Variants in EYA2 observed in about 807,000 individuals in gnomAD.
The protein encoded by EYA2 is protein phosphatase EYA2.
EYA2 carries 31 observed loss-of-function variants against 69.2 expected under a neutral mutation model. The observed-to-expected ratio is 0.45, with a 90% CI of 0.34 to 0.60. The LOEUF is 0.60. EYA2 is among the 20% of genes least tolerant of loss of function. The probability of loss-of-function intolerance (pLI) is 0.02; values close to 1 mark genes in which losing one functional copy is unlikely to be tolerated. For missense variants in EYA2, 622 were observed against 701.2 expected, an observed-to-expected ratio of 0.89 and a Z score of 1.28; for synonymous variants, 257 against 279.4, an observed-to-expected ratio of 0.92 and a Z score of 0.80.
At chr20:47,074,773 G>A (rs954766618) in intron 7 of EYA2, among the ~76,000 whole-genome samples, 8 of 152,082 alleles carry the variant, frequency 5.3e-5, no homozygotes, top group Admixed American at 2.6e-4. Flanking sequence ...GTTCATTACT[G>A]CCTGGCCCAT....
intron 1 of EYA2, among the ~76,000 whole-genome samples, chr20:46,959,684 T>C (rs943095574): frequency 5.3e-5 from 8 of 152,236 alleles, no homozygotes; most frequent in Non-Finnish European, 1.0e-4. Flanking sequence ...TTTCCTTCAA[T>C]TGCTCCCCAT....
At chr20:46,966,050 C>G (rs1022277312) in intron 1 of EYA2, among the ~76,000 whole-genome samples, 1 of 152,234 alleles carries the variant, frequency 6.6e-6, no homozygotes, top group Non-Finnish European at 1.5e-5. Context: ...CCTGGTGATT[C>G]TTTGGAGAAC....
intron 5 of EYA2, among the ~76,000 whole-genome samples, chr20:47,029,334 T>A (rs1314401495): frequency 6.6e-6 from 1 of 152,238 alleles, no homozygotes; most frequent in East Asian, 1.9e-4. Context: ...ATCGAAGACA[T>A]GCTGTGGCAA....
chr20:47,144,890 A>AAACC (rs1172670806), intron 10 of EYA2, among the ~76,000 whole-genome samples: 1 of 152,250 alleles, frequency 6.6e-6, no homozygotes, highest in East Asian at 1.9e-4. Flanking sequence ...ACAAACAAAC[A>AAACC]AAAACTGTGG....
At chr20:47,176,413 C>T (rs2034428352) in intron 12 of EYA2, among the ~76,000 whole-genome samples, 1 of 151,962 alleles carries the variant, frequency 6.6e-6, no homozygotes. Flanking sequence ...CGAGGATGAT[C>T]ACACCTATTG....
chr20:47,123,137 G>A (rs1429734710), intron 9 of EYA2, among the ~76,000 whole-genome samples: 2 of 152,060 alleles, frequency 1.3e-5, no homozygotes, highest in African/African-American at 2.4e-5. Flanking sequence ...GTAGTAAAGA[G>A]TTTTTGTAGA....
intron 9 of EYA2, among the ~76,000 whole-genome samples, chr20:47,115,613 C>G (rs116228209): frequency 1.4e-4 from 21 of 152,206 alleles, no homozygotes; most frequent in Admixed American, 4.6e-4. Context: ...CCAGCTCCCC[C>G]ACCACCTCCT....
intron 5 of EYA2, among the ~76,000 whole-genome samples, chr20:47,057,406 T>C (rs1054282664): frequency 6.6e-6 from 1 of 152,030 alleles, no homozygotes; most frequent in Non-Finnish European, 1.5e-5. Context: ...ACTTGGGCTG[T>C]GGTCAGGGTG....
intron 1 of EYA2, among the ~76,000 whole-genome samples, chr20:46,956,456 T>C (rs919924130): frequency 6.6e-6 from 1 of 152,188 alleles, no homozygotes; most frequent in Non-Finnish European, 1.5e-5. Context: ...GTGTCCTCCA[T>C]GTGGTCAACC....
chr20:46,919,419 A>G (rs1177912566), intron 1 of EYA2, among the ~76,000 whole-genome samples: 3 of 152,258 alleles, frequency 2.0e-5, no homozygotes, highest in Non-Finnish European at 4.4e-5. Context: ...AACTTGCTGC[A>G]GTTTGTCCAT....
At chr20:46,924,669 CAAAAA>C (rs10568771) in intron 1 of EYA2, among the ~76,000 whole-genome samples, 3 of 88,364 alleles carry the variant, frequency 3.4e-5, no homozygotes, top group African/African-American at 5.8e-5. Flanking sequence ...GACTCCATCT[CAAAAA>C]AAAAAAAAAA....
intron 7 of EYA2, among the ~76,000 whole-genome samples, chr20:47,077,042 G>A (rs1455951984): frequency 6.6e-6 from 1 of 152,206 alleles, no homozygotes; most frequent in Non-Finnish European, 1.5e-5. Context: ...CCTACGGCTG[G>A]AGCTAGAGTT....
chr20:46,948,222 T>G (rs1978589348), intron 1 of EYA2, among the ~76,000 whole-genome samples: 1 of 152,196 alleles, frequency 6.6e-6, no homozygotes, highest in African/African-American at 2.4e-5. Context: ...TGCTAACTAT[T>G]TTTGGCTTTG....
intron 5 of EYA2, among the ~76,000 whole-genome samples, chr20:47,023,772 G>A (rs777868174): frequency 6.6e-6 from 1 of 151,464 alleles, no homozygotes; most frequent in Non-Finnish European, 1.5e-5. Flanking sequence ...TGAGTAGCTG[G>A]GCTTACAGGT....
intron 1 of EYA2, among the ~76,000 whole-genome samples, chr20:46,906,671 A>G (rs777679438): frequency 6.6e-6 from 1 of 152,218 alleles, no homozygotes; most frequent in Non-Finnish European, 1.5e-5. Context: ...TCCCAGTTTA[A>G]GTGAGAAAAG....
intron 9 of EYA2, among the ~76,000 whole-genome samples, chr20:47,130,981 CAG>C (rs1415174885): frequency 1.3e-5 from 2 of 151,790 alleles, no homozygotes; most frequent in African/African-American, 4.8e-5. Context: ...CCCAGCTACT[CAG>C]GGGGCTGAGG....
intron 10 of EYA2, among the ~76,000 whole-genome samples, chr20:47,160,676 C>T (rs999256533): frequency 2.0e-4 from 30 of 152,140 alleles, no homozygotes; most frequent in Non-Finnish European, 3.5e-4. Context: ...TCAGTGTGTA[C>T]GCATCTTGAA....
intron 1 of EYA2, among the ~76,000 whole-genome samples, chr20:46,957,529 TCACACACACACACACACACA>T (rs74176892): frequency 1.5e-3 from 30 of 20,000 alleles, no homozygotes; most frequent in Non-Finnish European, 4.3e-3. Flanking sequence ...GAAGGAGATT[TCACACACACACACACACACA>T]CACACACACA....
At chr20:46,966,795 A>G (rs1029334625) in intron 1 of EYA2, among the ~76,000 whole-genome samples, 3 of 147,308 alleles carry the variant, frequency 2.0e-5, no homozygotes, top group African/African-American at 7.4e-5. Flanking sequence ...AGCCTGGGCG[A>G]CAGAGCGAGA....
Sources: allele counts gnomAD v4.1 joint callset (sites outside exome capture counted in the v4.1 genomes callset), GRCh38; gene constraint gnomAD v4.1.1; transcripts MANE v1.5; gene names NCBI Gene and HGNC (gene_info 2026-07-23, HGNC 2026-07-21).